The following ZZEF1 variants were observed in gnomAD, a reference collection of about 807,000 sequenced individuals.
ZZEF1 encodes zinc finger ZZ-type and EF-hand domain-containing protein 1.
In ZZEF1, 157 loss-of-function variants were observed where a neutral mutation model predicts 342.8. The ratio of observed to expected loss-of-function variants is 0.46; its 90% CI spans 0.40 to 0.52. The LOEUF (loss-of-function observed/expected upper bound fraction) is 0.52. Among genes scored for constraint, ZZEF1 ranks in the 20% least tolerant of loss-of-function variants. The pLI, the probability that ZZEF1 is intolerant of heterozygous loss-of-function variation, is 0.00. For synonymous variants in ZZEF1, 1,505 were observed against 1,429.1 expected (o/e 1.05, Z -1.20); for missense variants, 3,480 against 3,725.6 (o/e 0.93, Z 1.72).
chr17:4,050,746 G>C (rs1307249773), intron 36 of ZZEF1, 35 bp downstream of exon 36: 2 of 1,610,984 alleles, frequency 1.2e-6, no homozygotes, highest in East Asian at 2.2e-5. Context: ...CAGCAACTGA[G>C]GGCTGGTTTT....
intron 1 of ZZEF1, among the ~76,000 whole-genome samples, 166 bp downstream of exon 1, chr17:4,142,376 C>T (rs961066304): frequency 2.0e-5 from 3 of 152,232 alleles, no homozygotes; most frequent in African/African-American, 7.2e-5. Context: ...ACTTTCCAGA[C>T]CTCTAACATA....
At chr17:4,054,454 A>G (rs974684410) in intron 33 of ZZEF1, among the ~76,000 whole-genome samples, 1 of 152,228 alleles carries the variant, frequency 6.6e-6, no homozygotes, top group African/African-American at 2.4e-5. Context: ...ATGGGTATTC[A>G]GAAGGTCAAA....
In ZZEF1 at chr17:4,050,836, C is replaced by G; in HGVS notation, c.5808G>C (p.Arg1936=). 1 of 1,614,218 alleles carries G rather than the reference C, an allele frequency of 6.2e-7. No individual in the cohort carries two copies. The highest frequency in any genetic ancestry group is 1.1e-5 in the South Asian group (1 of 91,092). ...CCCCGACGAGCTGCATGCACTGGCT[C>G]CGCAGGGTGGTGGCACTGCTGCGCG... The part of the protein sequence containing the change: ...PQTRSSATTL[R]SQCMQLVGDC... Residue 1936 remains arginine, a synonymous_variant, in exon 36 of 55, where the codon CGG becomes CGC. Coordinates refer to ENST00000381638, the MANE Select transcript of ZZEF1 (RefSeq NM_015113.4).
chr17:4,116,911 C>A, intron 3 of ZZEF1, 61 bp downstream of exon 3: 1 of 1,464,850 alleles, frequency 6.8e-7, no homozygotes, highest in Non-Finnish European at 9.1e-7. Flanking sequence ...CTCATTTTAC[C>A]AACACAACAG....
chr17:4,067,367 G>A, intron 26 of ZZEF1, 125 bp from the exon 27 acceptor site: 1 of 585,740 alleles, frequency 1.7e-6, no homozygotes, highest in Non-Finnish European at 2.8e-6. Flanking sequence ...ACACATTGAG[G>A]ATGGTAAGAG....
At chr17:4,134,300 T>C (rs981442928) in intron 1 of ZZEF1, among the ~76,000 whole-genome samples, 3 of 149,432 alleles carry the variant, frequency 2.0e-5, no homozygotes, top group Admixed American at 6.7e-5. Flanking sequence ...GCCTGGGTGG[T>C]AGATGAAGAC....
Position 4,142,611 on chromosome 17 carries a change from G to A in ZZEF1, c.285C>T (p.Val95=), listed in dbSNP as rs761958836. ...EERLGRGEES[V]TLEQFRELLE... is the part of the protein sequence containing the mutation. Reference sequence around the variant, plus strand: ...GCAGCTCCCGGAACTGCTCCAGAGTGACAGACTCTTCGCCGCGGCCCAGCC... The same window carrying A: ...GCAGCTCCCGGAACTGCTCCAGAGTAACAGACTCTTCGCCGCGGCCCAGCC... The change falls in exon 1 of 55, where the codon GTC becomes GTT. Residue 95 remains valine (V), a synonymous_variant. Transcript: ENST00000381638. 6 of 1,605,530 alleles carry A rather than the reference G, an allele frequency of 3.7e-6. No individual in the cohort carries two copies. The highest frequency in any genetic ancestry group is 2.2e-5 in the South Asian group (2 of 91,044).
At chr17:4,042,775 G>A (rs1439564463) in intron 38 of ZZEF1, among the ~76,000 whole-genome samples, 1 of 152,164 alleles carries the variant, frequency 6.6e-6, no homozygotes, top group Non-Finnish European at 1.5e-5. Context: ...TCCACCTCCC[G>A]GGTTCAAGCA....
chr17:4,049,477 C>G (rs2056998057), intron 37 of ZZEF1, among the ~76,000 whole-genome samples: 1 of 152,192 alleles, frequency 6.6e-6, no homozygotes, highest in Admixed American at 6.5e-5. Flanking sequence ...CACGCCACTG[C>G]ACTCCAGCCT....
chr17:4,012,274 C>T lies in ZZEF1; in HGVS notation c.8579+1175G>A, dbSNP rs193020334. On this transcript the variant is annotated intron_variant, in intron 52 of 54. Coordinates refer to ENST00000381638, the MANE Select transcript of ZZEF1 (RefSeq NM_015113.4). ...GTGATCCTGTCTGTGTATGAGGACA[C>T]GGGGGTAACAGCAAGCATGCCCAGC... Among the ~76,000 whole-genome samples, 72 of 152,266 alleles carry T rather than the reference C, an allele frequency of 4.7e-4. 1 individual carries two copies. Among genetic ancestry groups the T allele is most frequent in the African/African-American group, 1.6e-3 (66 of 41,544 alleles).
In ZZEF1 at chr17:4,074,158, G is replaced by C. The variant is rs1437327466; in HGVS notation, c.3677C>G (p.Ser1226Cys). Residue 1226 changes from serine (S) to cysteine (C), a missense_variant, in exon 24 of 55, where the codon TCT (serine) becomes TGT (cysteine). Physicochemically the swap from Ser to Cys is moderately radical, Grantham distance 112. Around this residue, in one of 5 missense-constraint regions of ZZEF1, gnomAD observed 1,528 missense variants for 1,624.1 expected, o/e 0.94. Coordinates refer to ENST00000381638, the MANE Select transcript of ZZEF1 (RefSeq NM_015113.4). Reference protein sequence around the residue: ...RLASQCMALKSVRQLGSNMVV... With the variant: ...RLASQCMALKCVRQLGSNMVV... ...CAGGGATGTGCACTTACGGCGCACAGACTTGAGCGCCATGCACTGGGAAGC... is the reference window on the plus strand; with the variant it reads ...CAGGGATGTGCACTTACGGCGCACACACTTGAGCGCCATGCACTGGGAAGC... 30 of 1,613,876 alleles carry C rather than the reference G, an allele frequency of 1.9e-5. No individual in the cohort carries two copies. The highest frequency in any genetic ancestry group is 2.4e-5 in the Non-Finnish European group (28 of 1,179,894).
In ZZEF1 at chr17:4,014,942, T is replaced by C. The variant is rs186292089; in HGVS notation, c.8146-427A>G. ...GGTGTGCTACATGGGCACGTATGCT[T>C]GGGAAGCAGGAACAGGGACAAGACC... On this transcript the variant is annotated intron_variant, in intron 49 of 54. Coordinates refer to ENST00000381638, the MANE Select transcript of ZZEF1 (RefSeq NM_015113.4). This position sits in a 1 kb window ranked among gnomAD's most constrained non-coding sequence, Gnocchi z 4.4. Among the ~76,000 whole-genome samples the C allele has an allele frequency of 2.0e-5, 3 of 152,004 alleles. No homozygotes were observed. The East Asian group carries it at 5.8e-4, about 29-fold the overall frequency.
At position 4,117,038 on chromosome 17, in the gene ZZEF1, T is replaced by G. The variant is rs1263332844; in HGVS notation, c.628A>C (p.Asn210His). 2 of 1,613,950 alleles carry G rather than the reference T, an allele frequency of 1.2e-6. No homozygotes were observed. Among genetic ancestry groups the G allele is most frequent in the Non-Finnish European group, 8.5e-7 (1 of 1,179,950 alleles). ...ACGGAAGACCGCATGGTGCACATGT[T>G]ATTGCAGTGCTCCAGCATCGGGTAG... ...MPYPMLEHCN[N>H]MCTMRSSVLK... Residue 210 changes from asparagine to histidine, a missense_variant, in exon 3 of 55, where the codon AAC becomes CAC. Physicochemically the swap from Asn to His is moderately conservative, Grantham distance 68. Around this residue, in one of 5 missense-constraint regions of ZZEF1, gnomAD observed 416 missense variants for 374.2 expected, o/e 1.11. Coordinates refer to ENST00000381638, the MANE Select transcript of ZZEF1 (RefSeq NM_015113.4).
intron 19 of ZZEF1, among the ~76,000 whole-genome samples, chr17:4,077,483 T>A (rs954061133): frequency 2.0e-5 from 3 of 152,260 alleles, no homozygotes; most frequent in Non-Finnish European, 4.4e-5. Flanking sequence ...AATCTAATTA[T>A]TCTCGGTAAT....
chr17:4,095,585 T>C (rs1192583930), intron 11 of ZZEF1, among the ~76,000 whole-genome samples: 2 of 152,144 alleles, frequency 1.3e-5, no homozygotes, highest in African/African-American at 2.4e-5. Context: ...ACCCAGCCAT[T>C]GTGAAGATGT....
At chr17:4,019,840 C>A in intron 45 of ZZEF1, 71 bp from the exon 46 acceptor site, 1 of 1,164,432 alleles carries the variant, frequency 8.6e-7, no homozygotes, top group South Asian at 1.5e-5. Context: ...CAACTGAACT[C>A]AAAACTGAGA....
At position 4,075,314 on chromosome 17, in the gene ZZEF1, C is replaced by T; in HGVS notation, c.3350G>A (p.Gly1117Glu). 1 of 1,614,140 alleles carries T rather than the reference C, an allele frequency of 6.2e-7. No individual in the cohort carries two copies. The highest frequency in any genetic ancestry group is 8.5e-7 in the Non-Finnish European group (1 of 1,180,018). ...CHEVSVFVSPGATYFEVEFDD... is the reference protein window; with the variant it reads ...CHEVSVFVSPEATYFEVEFDD... ...GAATTCCACTTCAAAATAGGTTGCC[C>T]CTGGGCTAACAAAGACGGATACCTC... Residue 1117 changes from glycine (G) to glutamate (E), a missense_variant, in exon 22 of 55, where the codon GGG becomes GAG. Coordinates refer to ENST00000381638, the MANE Select transcript of ZZEF1 (RefSeq NM_015113.4).
Position 4,014,201 on chromosome 17 carries a change from G to A in ZZEF1, c.8315-13C>T, listed in dbSNP as rs773547884. 1 of 1,614,006 alleles carries A rather than the reference G, an allele frequency of 6.2e-7. No individual in the cohort carries two copies. Among genetic ancestry groups the A allele is most frequent in the Non-Finnish European group, 8.5e-7 (1 of 1,179,856 alleles). On this transcript the variant is annotated splice_polypyrimidine_tract_variant and intron_variant, in intron 50 of 54. Coordinates refer to ENST00000381638, the MANE Select transcript of ZZEF1 (RefSeq NM_015113.4). The surrounding 1 kb of genome is among the most constrained non-coding windows in gnomAD (Gnocchi z 4.4). The stretch of plus-strand genomic sequence containing the variant: ...TACAGAGTGTCTCCTAGGCACACAA[G>A]GATCAGAGGCCCATCAGGAACTGAA...
chr17:4,045,185 G>A (rs912771175), intron 37 of ZZEF1, among the ~76,000 whole-genome samples: 5 of 152,000 alleles, frequency 3.3e-5, no homozygotes, highest in Admixed American at 2.6e-4. Context: ...CCATTGCATC[G>A]CATCCCCCAT....
Sources: gnomAD v4.1 joint callset for allele counts (sites outside exome capture counted in the v4.1 genomes callset) on GRCh38, gnomAD v4.1.1 for gene constraint, gnomAD v4.1.1 regional missense constraint, Gnocchi (gnomAD v3.1) non-coding constraint, MANE v1.5 for transcripts, NCBI Gene and HGNC (gene_info 2026-07-23, HGNC 2026-07-21) for gene names.